ANAPC4: variants seen among roughly 807,000 people sequenced by gnomAD.
The protein encoded by ANAPC4 is anaphase promoting complex subunit 4, also known as anaphase-promoting complex subunit 4.
A neutral mutation model predicts 119.8 loss-of-function variants in ANAPC4; 63 were observed. The ratio of observed to expected loss-of-function variants is 0.53; its 90% CI spans 0.43 to 0.65. The LOEUF (loss-of-function observed/expected upper bound fraction) is 0.65. ANAPC4 is among the 30% of genes least tolerant of loss of function. The pLI, the probability that ANAPC4 is intolerant of heterozygous loss-of-function variation, is 0.00. For synonymous variants in ANAPC4, 283 were observed against 318.6 expected, an observed-to-expected ratio of 0.89 and a Z score of 1.19; for missense variants, 716 against 945.1, an observed-to-expected ratio of 0.76 and a Z score of 3.18.
At chr4:25,381,936 A>G (rs1325117975) in intron 3 of ANAPC4, among the ~76,000 whole-genome samples, 2 of 112,234 alleles carry the variant, frequency 1.8e-5, no homozygotes, top group East Asian at 4.5e-4. Flanking sequence ...TACAAGAGTG[A>G]GACTCCGTCT....
At chr4:25,412,327 A>G (rs1360388585) in intron 21 of ANAPC4, among the ~76,000 whole-genome samples, 1 of 152,044 alleles carries the variant, frequency 6.6e-6, no homozygotes, top group Non-Finnish European at 1.5e-5. Flanking sequence ...ATGATTGATG[A>G]AGTCATTGGC....
At chr4:25,400,385 G>T (rs560968797) in intron 16 of ANAPC4, among the ~76,000 whole-genome samples, 23 of 152,250 alleles carry the variant, frequency 1.5e-4, no homozygotes, top group Admixed American at 1.4e-3. Context: ...GGGTCACAGA[G>T]GCCAGTGTAT....
At chr4:25,414,555 A>G in intron 24 of ANAPC4, 44 bp from the exon 25 acceptor site, 2 of 1,566,548 alleles carry the variant, frequency 1.3e-6, no homozygotes, top group African/African-American at 1.4e-5. Flanking sequence ...ATTTTGTTTT[A>G]TCCATCAATA....
At chr4:25,417,846 T>C in intron 28 of ANAPC4, 107 bp downstream of exon 28, 2 of 1,408,352 alleles carry the variant, frequency 1.4e-6, no homozygotes, top group South Asian at 2.9e-5. Context: ...TGTGCAAATA[T>C]TTTTACTGTG....
intron 14 of ANAPC4, among the ~76,000 whole-genome samples, chr4:25,395,965 T>C (rs1210392951): frequency 6.6e-6 from 1 of 152,204 alleles, no homozygotes; most frequent in Non-Finnish European, 1.5e-5. Context: ...GTGTGGCCTT[T>C]AGCATACCTG....
intron 16 of ANAPC4, among the ~76,000 whole-genome samples, chr4:25,402,730 C>G (rs6831977): frequency 0.41 from 61,773 of 151,998 alleles, 14,605 homozygotes; most frequent in Non-Finnish European, 0.52. Context: ...TGGCAAGGCT[C>G]TTGTAACCAG....
At chr4:25,394,557 G>C in intron 12 of ANAPC4, 114 bp from the exon 13 acceptor site, 1 of 1,204,216 alleles carries the variant, frequency 8.3e-7, no homozygotes, top group Non-Finnish European at 1.2e-6. Flanking sequence ...AATTTTTTGT[G>C]GGGCTATTTC....
intron 26 of ANAPC4, chr4:25,415,952 A>C (rs1044833398): frequency 1.2e-5 from 2 of 169,402 alleles, no homozygotes; most frequent in African/African-American, 4.7e-5. Flanking sequence ...TTCGCAAGGG[A>C]AAGAAGTGAC....
intron 16 of ANAPC4, 129 bp from the exon 17 acceptor site, chr4:25,402,842 G>T: frequency 4.4e-6 from 2 of 455,104 alleles, no homozygotes; most frequent in Non-Finnish European, 3.9e-6. Context: ...CTGTTCTAAA[G>T]ACTTAAATGT....
rs570601947 is a variant in ANAPC4, at chr4:25,417,608, C to T, written c.2076-8C>T. On this transcript the variant is annotated splice_polypyrimidine_tract_variant and splice_region_variant and intron_variant, in intron 27 of 28. Transcript: ENST00000315368. ...TTCATTCCTGAGTTGGTTTTTTTCC[C>T]TCTTTAGGCTAGATGAACAGTGTAG... is the stretch of plus-strand genomic sequence containing the variant. 18 of 1,571,188 alleles carry T rather than the reference C, an allele frequency of 1.1e-5. No homozygotes were observed. In the African/African-American group the frequency reaches 1.9e-4, roughly 17 times the overall value.
chr4:25,408,434 A>C (rs895596171), intron 20 of ANAPC4, among the ~76,000 whole-genome samples: 2 of 152,028 alleles, frequency 1.3e-5, no homozygotes, highest in Admixed American at 6.6e-5. Flanking sequence ...CTTTTATCAA[A>C]CTATAAGCTA....
chr4:25,418,364 C>A lies in ANAPC4; in HGVS notation c.2409C>A (p.Asp803Glu), dbSNP rs748672674. 1 of 1,613,986 alleles carries A rather than the reference C, an allele frequency of 6.2e-7. No individual in the cohort carries two copies. The highest frequency in any genetic ancestry group is 8.5e-7 in the Non-Finnish European group (1 of 1,179,928). Residue 803 changes from aspartate to glutamate, a missense_variant, in exon 29 of 29, where the codon GAC becomes GAA. Coordinates refer to ENST00000315368, the MANE Select transcript of ANAPC4 (RefSeq NM_013367.3). ...TAGTCATTAAAGTGGAAAAACTTGA[C>A]CCTGAGCTAGACTCCTAATCTAGCT... Reference protein sequence around the residue: ...PEIVIKVEKLDPELDS With the variant: ...PEIVIKVEKLEPELDS
chr4:25,400,239 T>A (rs2109130131), intron 16 of ANAPC4, among the ~76,000 whole-genome samples: 1 of 152,132 alleles, frequency 6.6e-6, no homozygotes, highest in Admixed American at 6.5e-5. Context: ...TGGAATGATC[T>A]AGAAGGTAAA....
intron 14 of ANAPC4, among the ~76,000 whole-genome samples, chr4:25,395,969 A>G (rs1443782649): frequency 6.6e-6 from 1 of 152,176 alleles, no homozygotes; most frequent in African/African-American, 2.4e-5. Context: ...GGCCTTTAGC[A>G]TACCTGCCTC....
At chr4:25,391,389 C>T (rs1029157709) in intron 9 of ANAPC4, among the ~76,000 whole-genome samples, 1 of 152,172 alleles carries the variant, frequency 6.6e-6, no homozygotes, top group Non-Finnish European at 1.5e-5. Context: ...TGATTTGAAT[C>T]TTCACAGCAT....
intron 25 of ANAPC4, chr4:25,415,002 A>C (rs923937750): frequency 5.4e-6 from 1 of 185,618 alleles, no homozygotes; most frequent in African/African-American, 2.3e-5. Flanking sequence ...CTTCCGAAAA[A>C]CTAAAAGTTA....
At chr4:25,396,946 T>C (rs1395313990) in intron 16 of ANAPC4, 47 bp downstream of exon 16, 22 of 1,533,100 alleles carry the variant, frequency 1.4e-5, no homozygotes, top group Admixed American at 4.1e-5. Flanking sequence ...AATATGTCAC[T>C]TTTGACCTAA....
rs1197926965 is a variant in ANAPC4, at chr4:25,386,338, G to C, written c.369-2162G>C. Among the ~76,000 whole-genome samples, 4 of 151,964 alleles carry C rather than the reference G, an allele frequency of 2.6e-5. No individual in the cohort carries two copies. The East Asian group carries it at 7.7e-4, about 29-fold the overall frequency. ...AGTGATTCTCCTGCCTCAGCCTCCC[G>C]AGAAACTGGAATTACAGGTGTGTGC... On this transcript the variant is annotated intron_variant, in intron 4 of 28. Coordinates refer to ENST00000315368, the MANE Select transcript of ANAPC4 (RefSeq NM_013367.3).
chr4:25,413,894 G>A, intron 22 of ANAPC4, 152 bp downstream of exon 22: 1 of 626,876 alleles, frequency 1.6e-6, no homozygotes, highest in Admixed American at 3.2e-5. Context: ...ATTTCATATG[G>A]TTCAACCTAA....
Sources: gnomAD v4.1 joint callset for allele counts (sites outside exome capture counted in the v4.1 genomes callset) on GRCh38, gnomAD v4.1.1 for gene constraint, MANE v1.5 for transcripts, NCBI Gene and HGNC (gene_info 2026-07-23, HGNC 2026-07-21) for gene names.